Variants in PAX7 observed in about 807,000 individuals in gnomAD.
The protein encoded by PAX7 is paired box protein Pax-7.
A neutral mutation model predicts 50.7 loss-of-function variants in PAX7; 18 were observed. The observed-to-expected ratio is 0.36, with a 90% confidence interval of 0.25 to 0.53. The LOEUF is 0.53. Ranked by LOEUF, PAX7 falls within the 20% of genes least tolerant of loss-of-function variation. PAX7 has a pLI of 0.93. For synonymous variants in PAX7, 310 were observed against 290.4 expected, an observed-to-expected ratio of 1.07 and a Z score of -0.69; for missense variants, 644 against 702.9, an observed-to-expected ratio of 0.92 and a Z score of 0.95.
chr1:18,667,319 G>T (rs1479047117), intron 4 of PAX7, among the ~76,000 whole-genome samples: 1 of 151,880 alleles, frequency 6.6e-6, no homozygotes, highest in Non-Finnish European at 1.5e-5. Flanking sequence ...TTGTACAGTG[G>T]TTGGGTTTTG....
chr1:18,655,699 C>T (rs1471587575), intron 4 of PAX7, among the ~76,000 whole-genome samples: 1 of 152,074 alleles, frequency 6.6e-6, no homozygotes, highest in African/African-American at 2.4e-5. Context: ...TTAAAACAAA[C>T]TCATTAAACT....
rs1261951852 is a variant in PAX7 at position 18,740,059 on chromosome 1, C to A, written c.1402+4181C>A. 2.6e-5 allele frequency among the ~76,000 whole-genome samples: 4 copies of A among 152,306 alleles called. No homozygotes were observed. The East Asian group carries it at 7.7e-4, about 29-fold the overall frequency. On this transcript the variant is annotated intron_variant, in intron 8 of 8. Transcript: ENST00000420770. ...GCATCACCACCACATCTCCTGCCAA[C>A]TCCCAATTAATCTAATTTGAGACAT...
In PAX7 at chr1:18,632,971, C is replaced by A. The variant is rs984421962; in HGVS notation, c.85+1283C>A. Among the ~76,000 whole-genome samples, 1 of 152,230 alleles carries A rather than the reference C, an allele frequency of 6.6e-6. No individual in the cohort carries two copies. The highest frequency in any genetic ancestry group is 1.5e-5 in the Non-Finnish European group (1 of 68,038). On this transcript the variant is annotated intron_variant, in intron 1 of 8. Coordinates refer to ENST00000420770, the MANE Select transcript of PAX7 (RefSeq NM_001135254.2). This position sits in a 1 kb window ranked among gnomAD's most constrained non-coding sequence, Gnocchi z 6.3. ...TATTTGCCCAACATGACGCAGAATA[C>A]TGAGGAGAGCCGAGTGCCGGTCGCT...
intron 4 of PAX7, among the ~76,000 whole-genome samples, chr1:18,669,740 C>A (rs2088717089): frequency 6.6e-6 from 1 of 152,182 alleles, no homozygotes; most frequent in African/African-American, 2.4e-5. Context: ...TGGACAGTAG[C>A]TTGGCCTCTC....
chr1:18,704,012 C>T (rs2089254695), intron 7 of PAX7, among the ~76,000 whole-genome samples: 1 of 152,216 alleles, frequency 6.6e-6, no homozygotes, highest in African/African-American at 2.4e-5. Context: ...TAACTAACGT[C>T]TCAACAAGAG....
chr1:18,681,017 G>A lies in PAX7; in HGVS notation c.587-10737G>A, dbSNP rs2789347. On this transcript the variant is annotated intron_variant, in intron 4 of 8. Coordinates refer to ENST00000420770, the MANE Select transcript of PAX7 (RefSeq NM_001135254.2). The stretch of plus-strand genomic sequence containing the variant: ...ACCCACTCTCTACTAAAAATACAAA[G>A]TTAGCCAGGCATGGTGGCACATGCC... Among the ~76,000 whole-genome samples the A allele has an allele frequency of 5.7e-3, 863 of 151,854 alleles. 7 individuals carry two copies. The highest frequency in any genetic ancestry group is 0.019 in the African/African-American group (767 of 41,422).
intron 3 of PAX7, 103 bp downstream of exon 3, chr1:18,635,343 T>C: frequency 5.1e-6 from 7 of 1,370,306 alleles, no homozygotes; most frequent in Non-Finnish European, 6.9e-6. Context: ...GATGGCTGAC[T>C]GTGAACTTAC....
At chr1:18,718,767 C>G in intron 7 of PAX7, among the ~76,000 whole-genome samples, 1 of 151,992 alleles carries the variant, frequency 6.6e-6, no homozygotes, top group East Asian at 1.9e-4. Flanking sequence ...CTCAGCCTCC[C>G]GAGTAGCTGG....
At chr1:18,675,542 G>A (rs1274363972) in intron 4 of PAX7, among the ~76,000 whole-genome samples, 2 of 152,018 alleles carry the variant, frequency 1.3e-5, no homozygotes, top group Admixed American at 1.3e-4. Flanking sequence ...TCTGGAGGTG[G>A]GGTAATTAAT....
chr1:18,691,059 C>A (rs1297634638), intron 4 of PAX7, among the ~76,000 whole-genome samples: 2 of 152,170 alleles, frequency 1.3e-5, no homozygotes, highest in African/African-American at 4.8e-5. Context: ...CTTACTATAA[C>A]CTGGAACTCC....
At chr1:18,705,610 A>C (rs551525836) in intron 7 of PAX7, among the ~76,000 whole-genome samples, 29 of 152,244 alleles carry the variant, frequency 1.9e-4, no homozygotes, top group African/African-American at 7.0e-4. Context: ...GACAAAAGAG[A>C]GACTTAGCAA....
intron 7 of PAX7, among the ~76,000 whole-genome samples, chr1:18,714,599 G>C (rs565782669): frequency 5.8e-4 from 88 of 152,320 alleles, no homozygotes; most frequent in African/African-American, 2.0e-3. Flanking sequence ...GATCTTGATA[G>C]AGGCCTTACT....
At chr1:18,720,973 G>C (rs1389479706) in intron 7 of PAX7, among the ~76,000 whole-genome samples, 1 of 152,034 alleles carries the variant, frequency 6.6e-6, no homozygotes, top group Non-Finnish European at 1.5e-5. Flanking sequence ...TGCCATCAGA[G>C]GAACCCGAAT....
intron 4 of PAX7, among the ~76,000 whole-genome samples, chr1:18,679,513 G>T (rs2088868290): frequency 6.6e-6 from 1 of 152,162 alleles, no homozygotes; most frequent in African/African-American, 2.4e-5. Flanking sequence ...TTTCCCCTCT[G>T]CTGATTTTGA....
intron 5 of PAX7, 108 bp downstream of exon 5, chr1:18,692,061 C>A: frequency 9.9e-7 from 1 of 1,007,034 alleles, no homozygotes; most frequent in Non-Finnish European, 1.5e-6. Context: ...GGGTTTACAA[C>A]AGGTTCAGGG....
chr1:18,700,699 C>A lies in PAX7; in HGVS notation c.833C>A (p.Ala278Asp). 2 of 1,599,856 alleles carry A rather than the reference C, an allele frequency of 1.3e-6. No homozygotes were observed. Among genetic ancestry groups the A allele is most frequent in the South Asian group, 1.1e-5 (1 of 89,064 alleles). Residue 278 changes from alanine (A) to aspartate (D), a missense_variant, in exon 6 of 9, where the codon GCC (alanine) becomes GAC (aspartate). Physicochemically the swap from Ala to Asp is moderately radical, Grantham distance 126 (BLOSUM62 -2). Coordinates refer to ENST00000420770, the MANE Select transcript of PAX7 (RefSeq NM_001135254.2). The surrounding 1 kb of genome is among the most constrained non-coding windows in gnomAD (Gnocchi z 4.8). ...RRARWRKQAG[A>D]NQLAAFNHLL... ...GCCCGTTGGCGTAAGCAGGCAGGAGCCAACCAGCTGGCGGCGTTCAACCAC... is the reference window on the plus strand; with the variant it reads ...GCCCGTTGGCGTAAGCAGGCAGGAGACAACCAGCTGGCGGCGTTCAACCAC...
At chr1:18,736,069 C>A in intron 8 of PAX7, 191 bp downstream of exon 8, 1 of 1,058,834 alleles carries the variant, frequency 9.4e-7, no homozygotes. Context: ...AAACCCAGGA[C>A]ATCTCCTGGC....
Position 18,745,426 on chromosome 1 carries a change from C to T in PAX7, c.*497C>T, listed in dbSNP as rs1485925354. On this transcript the variant is annotated 3_prime_UTR_variant, in exon 9 of 9. Coordinates refer to ENST00000420770, the MANE Select transcript of PAX7 (RefSeq NM_001135254.2). ...CTGGCTCAGTGTCAGAACCACAGCC[C>T]TTTCCTCCTCTAGACATTGGGACTC... 2 of 237,382 alleles carry T rather than the reference C, an allele frequency of 8.4e-6. No individual in the cohort carries two copies. The highest frequency in any genetic ancestry group is 4.4e-5 in the African/African-American group (2 of 45,288). The allele number at this position is 237,382 out of a possible 1,614,324, so 14.7% of individuals were successfully genotyped here. A position where few individuals can be genotyped will look rare whatever the true frequency, so the allele number is the denominator to read the frequency against.
At position 18,748,154 on chromosome 1, in the gene PAX7, C is replaced by T. The variant is rs1236630740; in HGVS notation, c.*3225C>T. On this transcript the variant is annotated 3_prime_UTR_variant, in exon 9 of 9. Transcript: ENST00000420770. ...AAGAAGAATGGAGAGAGAGGTTTGC[C>T]CAGAAGGAAAACGAAGAGCCAGATT... The T allele has an allele frequency of 4.5e-6, 1 of 220,798 alleles. No individual in the cohort carries two copies. Among genetic ancestry groups the T allele is most frequent in the African/African-American group, 2.2e-5 (1 of 44,620 alleles). 13.7% of individuals were successfully genotyped at this position (220,798 alleles called of 1,614,324 possible).
Sources: gnomAD v4.1 joint callset for allele counts (sites outside exome capture counted in the v4.1 genomes callset) on GRCh38, gnomAD v4.1.1 for gene constraint, Gnocchi (gnomAD v3.1) non-coding constraint, MANE v1.5 for transcripts, NCBI Gene and HGNC (gene_info 2026-07-23, HGNC 2026-07-21) for gene names.